REV1: variants seen among roughly 807,000 people sequenced by gnomAD.
REV1 encodes the protein translesion synthesis protein REV1.
In REV1, 42 loss-of-function variants were observed where a neutral mutation model predicts 137.4. The observed-to-expected ratio is 0.31, with a 90% confidence interval of 0.24 to 0.40. REV1 has a LOEUF of 0.40. Among genes scored for constraint, REV1 ranks in the 10% least tolerant of loss-of-function variants. REV1 has a pLI of 1.00. For synonymous variants in REV1, 524 were observed against 519.2 expected, an observed-to-expected ratio of 1.01 and a Z score of -0.12; for missense variants, 1,282 against 1,490.1, an observed-to-expected ratio of 0.86 and a Z score of 2.30.
chr2:99,454,549 TCAAAAAAAAAAAAAAAAAAAAAAA>T (rs1683303402), intron 3 of REV1, among the ~76,000 whole-genome samples: 1 of 17,000 alleles, frequency 5.9e-5, no homozygotes, highest in East Asian at 1.9e-3. Flanking sequence ...AAACTCCAGC[TCAAAAAAAAAAAAAAAAAAAAAAA>T]AAAAAAAAAA....
At chr2:99,404,342 G>A (rs1675960718) in intron 18 of REV1, 102 bp downstream of exon 18, 3 of 894,290 alleles carry the variant, frequency 3.4e-6, no homozygotes, top group Non-Finnish European at 1.8e-6. Flanking sequence ...AGTGGATGTG[G>A]TGTCAGATAC....
chr2:99,438,543 A>T lies in REV1; in HGVS notation c.1213+58T>A, dbSNP rs545461240. ...GACCAGAAATACCAATAATAGCATA[A>T]GAGCAAAATGATCAAGCATGACTGT... On this transcript the variant is annotated intron_variant, in intron 6 of 22. Transcript: ENST00000258428. The T allele has an allele frequency of 2.4e-5, 32 of 1,323,266 alleles. No individual in the cohort carries two copies. The Admixed American group carries it at 3.8e-4, about 16-fold the overall frequency. 82.0% of individuals were successfully genotyped at this position (1,323,266 alleles called of 1,614,324 possible).
rs769280499 is a variant in REV1, at chr2:99,403,731, C to T, written c.3130G>A (p.Glu1044Lys). 10 of 1,614,184 alleles carry T rather than the reference C, an allele frequency of 6.2e-6. No homozygotes were observed. The highest frequency in any genetic ancestry group is 4.5e-5 in the East Asian group (2 of 44,882). ...GCTGACTGCTGGTGAGTGCTGTTCT[C>T]GCCCTGCCTTTGTCTTTGATCATAC... ...AAYDQRQRQG[E>K]NSTHQQSASA... The change falls in exon 19 of 23, where the codon GAG becomes AAG. Residue 1044 changes from glutamate to lysine, a missense_variant. Physicochemically the swap from Glu to Lys is moderately conservative, Grantham distance 56. Transcript: ENST00000258428.
In REV1 at chr2:99,427,548, C is replaced by T. The variant is rs528927666; in HGVS notation, c.1547+2292G>A. Among the ~76,000 whole-genome samples, 114 of 152,290 alleles carry T rather than the reference C, an allele frequency of 7.5e-4. No homozygotes were observed. In the Middle Eastern group the frequency reaches 0.014, roughly 18 times the overall value. On this transcript the variant is annotated intron_variant, in intron 9 of 22. Transcript: ENST00000258428. ...TATGTATAGTGAAAACTCACCAGTG[C>T]ATCAAACTGAGCAGATCATCCCCAC...
At chr2:99,444,464 T>C (rs1443107587) in intron 4 of REV1, among the ~76,000 whole-genome samples, 2 of 152,198 alleles carry the variant, frequency 1.3e-5, no homozygotes, top group Non-Finnish European at 2.9e-5. Flanking sequence ...GCACTGATCA[T>C]ATACAAGGGT....
intron 1 of REV1, among the ~76,000 whole-genome samples, chr2:99,480,446 T>A (rs1221290723): frequency 6.6e-6 from 1 of 152,198 alleles, no homozygotes; most frequent in Non-Finnish European, 1.5e-5. Flanking sequence ...GCCTTGAATA[T>A]ATCATACTAA....
intron 2 of REV1, 162 bp from the exon 3 acceptor site, chr2:99,462,784 A>G: frequency 1.4e-6 from 1 of 694,530 alleles, no homozygotes; most frequent in South Asian, 2.3e-5. Flanking sequence ...AAGGCAAGGC[A>G]ATAAATAAAA....
In REV1 at chr2:99,454,570, A is replaced by C. The variant is rs985106600; in HGVS notation, c.182-5066T>G. ...CAGCTCAAAAAAAAAAAAAAAAAAAAAAAAAAAAAAAAAAAAAAAAACCCA... is the reference window on the plus strand; with the variant it reads ...CAGCTCAAAAAAAAAAAAAAAAAAACAAAAAAAAAAAAAAAAAAAAACCCA... On this transcript the variant is annotated intron_variant, in intron 3 of 22. Coordinates refer to ENST00000258428, the MANE Select transcript of REV1 (RefSeq NM_016316.4). 1.5e-3 allele frequency among the ~76,000 whole-genome samples: 211 copies of C among 144,542 alleles called. 13 individuals carry two copies. The highest frequency in any genetic ancestry group is 4.9e-3 in the African/African-American group (192 of 39,518). The allele number at this position is 144,542 out of a possible 152,430, so 94.8% of individuals were successfully genotyped here.
intron 1 of REV1, among the ~76,000 whole-genome samples, chr2:99,478,912 G>A (rs1212463809): frequency 6.6e-6 from 1 of 152,174 alleles, no homozygotes; most frequent in Non-Finnish European, 1.5e-5. Flanking sequence ...ATAGAGAAAA[G>A]GACAGTTCAG....
intron 9 of REV1, among the ~76,000 whole-genome samples, chr2:99,428,285 G>A (rs1359805492): frequency 6.6e-6 from 1 of 152,172 alleles, no homozygotes; most frequent in Non-Finnish European, 1.5e-5. Context: ...CATTAACTTA[G>A]TAGAGAAAAA....
chr2:99,408,177 T>A, intron 14 of REV1, 46 bp from the exon 15 acceptor site: 1 of 1,108,460 alleles, frequency 9.0e-7, no homozygotes, highest in Non-Finnish European at 1.3e-6. Flanking sequence ...TCCATATGTA[T>A]TCACTAGTAC....
At chr2:99,418,641 C>G (rs114675238) in intron 12 of REV1, among the ~76,000 whole-genome samples, 187 bp downstream of exon 12, 11 of 152,222 alleles carry the variant, frequency 7.2e-5, no homozygotes, top group South Asian at 2.1e-4. Flanking sequence ...ACATTAAGGT[C>G]CTGACAAATC....
At chr2:99,421,445 T>C in intron 11 of REV1, 54 bp downstream of exon 11, 1 of 1,505,186 alleles carries the variant, frequency 6.6e-7, no homozygotes, top group Non-Finnish European at 9.0e-7. Context: ...AATTAACTGA[T>C]ATTCAAGAAT....
At chr2:99,485,752 A>G (rs1452351924) in intron 1 of REV1, among the ~76,000 whole-genome samples, 1 of 152,334 alleles carries the variant, frequency 6.6e-6, no homozygotes, top group East Asian at 1.9e-4. Context: ...ACATCCACAA[A>G]ATGTATTTTT....
Position 99,412,783 on chromosome 2 carries a change from T to G in REV1, c.2120A>C (p.Lys707Thr). ...GLDDRPVRTEKERKSVSAEIN... is the reference protein window; with the variant it reads ...GLDDRPVRTETERKSVSAEIN... The stretch of plus-strand genomic sequence containing the variant: ...CTCAGCTGAAACAGATTTTCTTTCC[T>G]TTTCAGTTCGAACTGGTCTATCATC... The change falls in exon 13 of 23, where the codon AAG becomes ACG. Residue 707 changes from lysine to threonine, a missense_variant. By Grantham distance (78) the Lys-to-Thr change is moderately conservative. This residue lies in a region of REV1 where 372 missense variants were observed against 482.3 expected (regional missense o/e 0.77). Transcript: ENST00000258428. 1 of 1,614,158 alleles carries G rather than the reference T, an allele frequency of 6.2e-7. No homozygotes were observed. Among genetic ancestry groups the G allele is most frequent in the Non-Finnish European group, 8.5e-7 (1 of 1,180,000 alleles).
intron 14 of REV1, among the ~76,000 whole-genome samples, chr2:99,408,724 T>C (rs965123959): frequency 6.6e-6 from 1 of 152,200 alleles, no homozygotes; most frequent in African/African-American, 2.4e-5. Context: ...ACCATTTCCT[T>C]CAGAGCCTTT....
At chr2:99,410,090 A>G (rs1472627255) in intron 14 of REV1, among the ~76,000 whole-genome samples, 1 of 151,748 alleles carries the variant, frequency 6.6e-6, no homozygotes, top group South Asian at 2.1e-4. Context: ...AGCTCACTGC[A>G]ACCTCTGCCT....
chr2:99,484,617 C>T (rs955967173), intron 1 of REV1, among the ~76,000 whole-genome samples: 2 of 151,578 alleles, frequency 1.3e-5, no homozygotes, highest in African/African-American at 2.4e-5. Flanking sequence ...ACATTAATTA[C>T]GATGCAAGTC....
At chr2:99,426,346 T>G (rs1171583185) in intron 9 of REV1, among the ~76,000 whole-genome samples, 1 of 143,896 alleles carries the variant, frequency 6.9e-6, no homozygotes, top group Non-Finnish European at 1.5e-5. Flanking sequence ...AAATTCTATC[T>G]CAAAAAAAAA....
Sources: allele counts gnomAD v4.1 joint callset (sites outside exome capture counted in the v4.1 genomes callset), GRCh38; gene constraint gnomAD v4.1.1; regional missense constraint gnomAD v4.1.1; transcripts MANE v1.5; gene names NCBI Gene and HGNC (gene_info 2026-07-23, HGNC 2026-07-21).